Variants in RIN3 observed in about 807,000 individuals in gnomAD.
The protein encoded by RIN3 is Ras and Rab interactor 3.
Under a neutral mutation model 76.3 loss-of-function variants are expected in RIN3, and 54 were observed. The observed-to-expected ratio is 0.71, with a 90% CI of 0.57 to 0.89. The LOEUF (loss-of-function observed/expected upper bound fraction) is 0.89, where lower values mean the gene tolerates loss of function less well. Ranked by LOEUF, RIN3 falls within the 40% of genes least tolerant of loss-of-function variation. RIN3 has a pLI of 0.00. For missense variants in RIN3, 1,256 were observed against 1,322.1 expected (o/e 0.95, Z 0.78); for synonymous variants, 576 against 564.0 (o/e 1.02, Z -0.30).
intron 1 of RIN3, among the ~76,000 whole-genome samples, chr14:92,519,546 T>C (rs1472426265): frequency 6.6e-6 from 1 of 152,126 alleles, no homozygotes; most frequent in Non-Finnish European, 1.5e-5. Flanking sequence ...ATACGGGGCC[T>C]GGCTGTTTAG....
At chr14:92,678,903 C>A (rs1001938533) in intron 8 of RIN3, among the ~76,000 whole-genome samples, 1 of 152,174 alleles carries the variant, frequency 6.6e-6, no homozygotes, top group Non-Finnish European at 1.5e-5. Flanking sequence ...AGCATGCACA[C>A]AGAAGAACCA....
At chr14:92,613,305 G>A (rs113259269) in intron 3 of RIN3, among the ~76,000 whole-genome samples, 2,033 of 152,214 alleles carry the variant, frequency 0.013, 33 homozygotes, top group Non-Finnish European at 0.018. Context: ...TGGGACGCTC[G>A]GGGCATCCTG....
At chr14:92,602,181 A>G (rs1271940359) in intron 3 of RIN3, among the ~76,000 whole-genome samples, 1 of 152,216 alleles carries the variant, frequency 6.6e-6, no homozygotes, top group Non-Finnish European at 1.5e-5. Flanking sequence ...GTCCAGGGCC[A>G]GAGCTGGGCC....
intron 1 of RIN3, among the ~76,000 whole-genome samples, chr14:92,540,683 G>A (rs1262037660): frequency 6.6e-6 from 1 of 152,116 alleles, no homozygotes; most frequent in African/African-American, 2.4e-5. Flanking sequence ...ACACGTCTAG[G>A]AAGAAGGATC....
At chr14:92,674,758 G>A (rs529797228) in intron 7 of RIN3, among the ~76,000 whole-genome samples, 9 of 151,276 alleles carry the variant, frequency 5.9e-5, no homozygotes, top group Non-Finnish European at 8.9e-5. Flanking sequence ...GTATGGCAGC[G>A]CACGCCTGTA....
chr14:92,594,698 C>A (rs2140081266), intron 3 of RIN3, among the ~76,000 whole-genome samples: 1 of 152,306 alleles, frequency 6.6e-6, no homozygotes, highest in African/African-American at 2.4e-5. Context: ...GCATTGAATG[C>A]ATATATTACA....
intron 1 of RIN3, among the ~76,000 whole-genome samples, chr14:92,549,843 C>G (rs149539877): frequency 6.6e-6 from 1 of 152,242 alleles, no homozygotes; most frequent in African/African-American, 2.4e-5. Context: ...GGGAGAACAA[C>G]CCGTTGTGGA....
intron 4 of RIN3, among the ~76,000 whole-genome samples, chr14:92,640,888 A>G (rs1886985825): frequency 6.6e-6 from 1 of 151,476 alleles, no homozygotes; most frequent in African/African-American, 2.4e-5. Flanking sequence ...AGTGTGCACC[A>G]GCAAGGGTCA....
chr14:92,628,882 C>A (rs1886453150), intron 4 of RIN3, among the ~76,000 whole-genome samples: 1 of 151,998 alleles, frequency 6.6e-6, no homozygotes, highest in Non-Finnish European at 1.5e-5. Flanking sequence ...TGGGGAGTGA[C>A]CCCAGCCAAT....
At chr14:92,604,235 CT>C (rs1478065503) in intron 3 of RIN3, among the ~76,000 whole-genome samples, 6 of 152,382 alleles carry the variant, frequency 3.9e-5, no homozygotes, top group South Asian at 4.1e-4. Flanking sequence ...GGCGCCCCCC[CT>C]CCCACTCCCC....
At chr14:92,542,888 T>G (rs1451584740) in intron 1 of RIN3, among the ~76,000 whole-genome samples, 1 of 151,958 alleles carries the variant, frequency 6.6e-6, no homozygotes, top group African/African-American at 2.4e-5. Flanking sequence ...AATAGGCAAA[T>G]CTATAAAGAC....
chr14:92,559,614 A>T (rs150080651), intron 2 of RIN3, among the ~76,000 whole-genome samples: 270 of 152,354 alleles, frequency 1.8e-3, no homozygotes, highest in African/African-American at 6.2e-3. Context: ...TGTGAAAGGC[A>T]GGGCAGCGAG....
chr14:92,615,672 A>T (rs1363091155), intron 4 of RIN3, 193 bp downstream of exon 4: 2 of 588,620 alleles, frequency 3.4e-6, no homozygotes, highest in Non-Finnish European at 3.0e-6. Context: ...ACACTATCTG[A>T]TAAGAGCCCC....
chr14:92,514,837 G>A lies in RIN3; in HGVS notation c.44+861G>A, dbSNP rs565843843. On this transcript the variant is annotated intron_variant, in intron 1 of 9. Transcript: ENST00000216487. This position sits in a 1 kb window ranked among gnomAD's most constrained non-coding sequence, Gnocchi z 7.2. ...TCAGGTGTTGTAGAGACGCCCGGTC[G>A]GAGGCGGATTCCCGGGGAAAGCCTA... Among the ~76,000 whole-genome samples, 3 of 152,338 alleles carry A rather than the reference G, an allele frequency of 2.0e-5. No individual in the cohort carries two copies. Among genetic ancestry groups the A allele is most frequent in the South Asian group, 2.1e-4 (1 of 4,830 alleles).
chr14:92,540,266 G>A (rs1394696051), intron 1 of RIN3, among the ~76,000 whole-genome samples: 2 of 152,194 alleles, frequency 1.3e-5, no homozygotes, highest in African/African-American at 2.4e-5. Flanking sequence ...CTGTGGGCAG[G>A]GGCCCATAGA....
chr14:92,588,017 C>T (rs1301994404), intron 3 of RIN3, among the ~76,000 whole-genome samples: 1 of 152,048 alleles, frequency 6.6e-6, no homozygotes, highest in Non-Finnish European at 1.5e-5. Flanking sequence ...GCTATGTCCT[C>T]ACTTGGCCAA....
At position 92,642,130 on chromosome 14, in the gene RIN3, G is replaced by T. The variant is rs576486481; in HGVS notation, c.532+801G>T. Among the ~76,000 whole-genome samples the T allele has an allele frequency of 5.9e-5, 9 of 151,508 alleles. No homozygotes were observed. The South Asian group carries it at 1.9e-3, about 31-fold the overall frequency. ...TTCTTTCTTTTTTTTTTGAAACAGGGTCTCACTCTGTTGCCCAGGTTGGAG... is the reference window on the plus strand; with the variant it reads ...TTCTTTCTTTTTTTTTTGAAACAGGTTCTCACTCTGTTGCCCAGGTTGGAG... On this transcript the variant is annotated intron_variant, in intron 5 of 9. Transcript: ENST00000216487.
At chr14:92,606,206 A>C (rs1036512844) in intron 3 of RIN3, among the ~76,000 whole-genome samples, 7 of 152,154 alleles carry the variant, frequency 4.6e-5, no homozygotes, top group African/African-American at 1.7e-4. Context: ...AAACATTTGC[A>C]AATCACATAT....
intron 1 of RIN3, among the ~76,000 whole-genome samples, chr14:92,554,857 A>G (rs577945493): frequency 1.3e-5 from 2 of 152,376 alleles, no homozygotes; most frequent in Admixed American, 6.5e-5. Context: ...CAGGAGGCGG[A>G]GGCTGCAGTA....
Sources: allele counts gnomAD v4.1 joint callset (sites outside exome capture counted in the v4.1 genomes callset), GRCh38; gene constraint gnomAD v4.1.1; non-coding constraint Gnocchi (gnomAD v3.1); transcripts MANE v1.5; gene names NCBI Gene and HGNC (gene_info 2026-07-23, HGNC 2026-07-21).